SSH2: variants seen among roughly 807,000 people sequenced by gnomAD.
SSH2 encodes slingshot protein phosphatase 2.
SSH2 carries 37 observed loss-of-function variants against 135.2 expected under a neutral mutation model. The ratio of observed to expected loss-of-function variants is 0.27; its 90% CI spans 0.21 to 0.36. The LOEUF (loss-of-function observed/expected upper bound fraction) is 0.36, where lower values mean the gene tolerates loss of function less well. Among genes scored for constraint, SSH2 ranks in the 10% least tolerant of loss-of-function variants. SSH2 has a pLI of 1.00. For synonymous variants in SSH2, 628 were observed against 646.2 expected (o/e 0.97, Z 0.43); for missense variants, 1,408 against 1,765.3 (o/e 0.80, Z 3.63).
intron 5 of SSH2, among the ~76,000 whole-genome samples, chr17:29,692,876 G>A (rs572468380): frequency 2.0e-5 from 3 of 152,134 alleles, no homozygotes; most frequent in Non-Finnish European, 4.4e-5. Context: ...ATCGAACTCT[G>A]CATGTGGAGT....
chr17:29,790,693 C>T (rs983333152), intron 3 of SSH2, among the ~76,000 whole-genome samples: 5 of 151,454 alleles, frequency 3.3e-5, no homozygotes, highest in Admixed American at 6.6e-5. Flanking sequence ...TATCTGTGAA[C>T]AAAGCCATCA....
intron 3 of SSH2, among the ~76,000 whole-genome samples, chr17:29,768,236 T>C (rs1190929452): frequency 2.0e-5 from 3 of 151,932 alleles, no homozygotes; most frequent in African/African-American, 7.2e-5. Flanking sequence ...AGGAACTATA[T>C]TATGGATTAT....
chr17:29,911,165 G>T (rs1599181268), intron 1 of SSH2, among the ~76,000 whole-genome samples: 1 of 152,134 alleles, frequency 6.6e-6, no homozygotes, highest in South Asian at 2.1e-4. Context: ...CTGAATATGC[G>T]CTGGGTAGAA....
chr17:29,768,696 G>T (rs1265127253), intron 3 of SSH2, among the ~76,000 whole-genome samples: 1 of 152,108 alleles, frequency 6.6e-6, no homozygotes. Context: ...GATATTTTGA[G>T]ATCTGTTCAA....
chr17:29,881,238 TAC>T (rs2066132099), intron 1 of SSH2, among the ~76,000 whole-genome samples: 1 of 152,200 alleles, frequency 6.6e-6, no homozygotes, highest in Non-Finnish European at 1.5e-5. Flanking sequence ...TAGAATTTGA[TAC>T]ACTGCCAGCA....
intron 1 of SSH2, among the ~76,000 whole-genome samples, chr17:29,880,154 G>C (rs971366373): frequency 3.0e-4 from 45 of 152,116 alleles, no homozygotes; most frequent in African/African-American, 1.1e-3. Flanking sequence ...GCACTCTGCT[G>C]AACAGTATAC....
At chr17:29,849,776 G>C (rs2065516562) in intron 1 of SSH2, among the ~76,000 whole-genome samples, 1 of 146,132 alleles carries the variant, frequency 6.8e-6, no homozygotes, top group South Asian at 2.1e-4. Context: ...GAGGCAGGCA[G>C]ATCACCTGAG....
intron 2 of SSH2, among the ~76,000 whole-genome samples, chr17:29,822,249 C>T (rs2042666560): frequency 6.6e-6 from 1 of 152,090 alleles, no homozygotes; most frequent in Admixed American, 6.6e-5. Flanking sequence ...ACTTCCTTGG[C>T]TTCATTAAGT....
chr17:29,673,534 C>T (rs1353482291), intron 8 of SSH2, among the ~76,000 whole-genome samples: 1 of 151,058 alleles, frequency 6.6e-6, no homozygotes, highest in Non-Finnish European at 1.5e-5. Flanking sequence ...GGTGCCACTG[C>T]ACTCCAGCCT....
chr17:29,845,554 T>C (rs2043117778), intron 2 of SSH2, among the ~76,000 whole-genome samples: 1 of 152,160 alleles, frequency 6.6e-6, no homozygotes, highest in Non-Finnish European at 1.5e-5. Flanking sequence ...GGCAATAAAA[T>C]AAAGCAACCC....
At chr17:29,918,770 C>G (rs2066924793) in intron 1 of SSH2, among the ~76,000 whole-genome samples, 1 of 152,120 alleles carries the variant, frequency 6.6e-6, no homozygotes, top group South Asian at 2.1e-4. Flanking sequence ...AACCCTATCT[C>G]TACTAAAAAT....
At chr17:29,689,745 C>T (rs886463826) in intron 5 of SSH2, among the ~76,000 whole-genome samples, 7 of 152,078 alleles carry the variant, frequency 4.6e-5, no homozygotes, top group African/African-American at 9.7e-5. Context: ...AAGAATAATG[C>T]TATTCCCTCG....
chr17:29,895,275 AATATATTTTATAT>A (rs1447644647), intron 1 of SSH2, among the ~76,000 whole-genome samples: 4 of 126,784 alleles, frequency 3.2e-5, no homozygotes, highest in Non-Finnish European at 4.8e-5. Context: ...AAATATATAA[AATATATTTTATAT>A]ATACATTTTA....
intron 2 of SSH2, among the ~76,000 whole-genome samples, chr17:29,832,756 C>T (rs1377739352): frequency 6.6e-6 from 1 of 151,808 alleles, no homozygotes; most frequent in Non-Finnish European, 1.5e-5. Flanking sequence ...CTGCAACTTC[C>T]CCCAGGTTCA....
intron 1 of SSH2, among the ~76,000 whole-genome samples, chr17:29,926,886 T>C (rs1354568180): frequency 2.0e-5 from 3 of 152,306 alleles, no homozygotes; most frequent in Non-Finnish European, 2.9e-5. Context: ...AAGAACTAGT[T>C]CGAGAGCCAC....
chr17:29,844,362 G>T (rs1297343855), intron 2 of SSH2, among the ~76,000 whole-genome samples: 2 of 152,184 alleles, frequency 1.3e-5, no homozygotes, highest in Non-Finnish European at 2.9e-5. Flanking sequence ...CCAGGCTGGG[G>T]AAGAAATAGC....
At chr17:29,927,322 GC>G (rs935457929) in intron 1 of SSH2, among the ~76,000 whole-genome samples, 3 of 151,582 alleles carry the variant, frequency 2.0e-5, no homozygotes, top group Non-Finnish European at 4.4e-5. Flanking sequence ...CAATGCCCCA[GC>G]CCCCCAGATT....
At chr17:29,678,981 G>T (rs1239052680) in intron 6 of SSH2, among the ~76,000 whole-genome samples, 1 of 151,836 alleles carries the variant, frequency 6.6e-6, no homozygotes, top group East Asian at 1.9e-4. Context: ...CTCCCAAAGT[G>T]TTGGGATTAC....
At chr17:29,768,459 A>G (rs2041498969) in intron 3 of SSH2, among the ~76,000 whole-genome samples, 1 of 151,956 alleles carries the variant, frequency 6.6e-6, no homozygotes, top group Non-Finnish European at 1.5e-5. Context: ...ACCTGTCGAG[A>G]CGAAGTCTTG....
Sources: allele counts gnomAD v4.1 joint callset (sites outside exome capture counted in the v4.1 genomes callset), GRCh38; gene constraint gnomAD v4.1.1; transcripts MANE v1.5; gene names NCBI Gene and HGNC (gene_info 2026-07-23, HGNC 2026-07-21).